The following HYDIN variants were observed in gnomAD, a reference collection of about 807,000 sequenced individuals.
HYDIN encodes HYDIN axonemal central pair apparatus protein.
A neutral mutation model predicts 403.9 loss-of-function variants in HYDIN; 132 were observed. That is an observed-to-expected ratio of 0.33 (90% confidence interval 0.28 to 0.38). The LOEUF is 0.38. HYDIN is among the 10% of genes least tolerant of loss of function. The pLI, the probability that HYDIN is intolerant of heterozygous loss-of-function variation, is 1.00. For missense variants in HYDIN, 2,827 were observed against 5,009.5 expected, an observed-to-expected ratio of 0.56 and a Z score of 13.15; for synonymous variants, 1,202 against 1,891.7, an observed-to-expected ratio of 0.64 and a Z score of 9.46.
rs1283774370 is a variant in HYDIN at position 71,096,804 on chromosome 16, C to T, written c.1328-2869G>A. Among the ~76,000 whole-genome samples, 5 of 106,294 alleles carry T rather than the reference C, an allele frequency of 4.7e-5. 2 individuals carry two copies. The highest frequency in any genetic ancestry group is 1.7e-4 in the African/African-American group (3 of 17,550). The allele number at this position is 106,294 out of a possible 152,430, so 69.7% of individuals were successfully genotyped here. ...TTTCTAGCAGATTGTCTTACCTCCT[C>T]ATGTGCTTGGTCATTTTTTGATTGA... On this transcript the variant is annotated intron_variant, in intron 10 of 85. Transcript: ENST00000393567.
chr16:70,947,434 C>T (rs1260050900), intron 41 of HYDIN, among the ~76,000 whole-genome samples: 14 of 151,954 alleles, frequency 9.2e-5, no homozygotes, highest in African/African-American at 2.7e-4. Flanking sequence ...CTGCTGGATT[C>T]GGTTTGCCAG....
At chr16:71,135,643 G>A (rs1291156605) in intron 8 of HYDIN, among the ~76,000 whole-genome samples, 1 of 152,036 alleles carries the variant, frequency 6.6e-6, no homozygotes, top group South Asian at 2.1e-4. Context: ...CTTCAAGCAT[G>A]TTGGGCCATT....
chr16:71,094,065 T>G lies in HYDIN; in HGVS notation c.1328-130A>C, dbSNP rs2083198683. 4 of 645,710 alleles carry G rather than the reference T, an allele frequency of 6.2e-6. No homozygotes were observed. The East Asian group carries it at 1.2e-4, about 20-fold the overall frequency. 40.0% of individuals were successfully genotyped at this position (645,710 alleles called of 1,614,324 possible). On this transcript the variant is annotated intron_variant, in intron 10 of 85. Transcript: ENST00000393567. ...GCTCCCTGCATTGCACCGAGGGAAC[T>G]GCAATTTAACTAACGCTGAAGATTC...
intron 25 of HYDIN, among the ~76,000 whole-genome samples, chr16:70,989,657 T>C (rs571741527): frequency 2.0e-5 from 3 of 152,326 alleles, no homozygotes; most frequent in Admixed American, 1.3e-4. Context: ...AGAAAGTTGA[T>C]TGTACATGAT....
Position 70,805,550 on chromosome 16 carries a change from C to G in HYDIN, c.*2030G>C, listed in dbSNP as rs147906140. Among the ~76,000 whole-genome samples the G allele has an allele frequency of 5.9e-3, 903 of 152,328 alleles. 2 individuals are homozygous for G. Among genetic ancestry groups the G allele is most frequent in the Admixed American group, 0.012 (191 of 15,312 alleles). ...GATCGGACTTCCTGAGGGTGGGGCT[C>G]AGCAATCTGTTTCAGTAAGCCCTCC... is the stretch of plus-strand genomic sequence containing the variant. On this transcript the variant is annotated 3_prime_UTR_variant, in exon 86 of 86. Transcript: ENST00000393567.
intron 7 of HYDIN, among the ~76,000 whole-genome samples, chr16:71,139,941 T>C (rs578063963): frequency 2.0e-5 from 3 of 152,050 alleles, no homozygotes; most frequent in African/African-American, 7.2e-5. Flanking sequence ...CCTGAATATA[T>C]TGCAGTGAAA....
chr16:71,125,155 C>T (rs1352768574), intron 9 of HYDIN, among the ~76,000 whole-genome samples: 1 of 151,982 alleles, frequency 6.6e-6, no homozygotes, highest in Non-Finnish European at 1.5e-5. Flanking sequence ...AATGTGAGGG[C>T]CTGGAGGCCC....
chr16:70,894,157 G>A lies in HYDIN; in HGVS notation c.9248+292C>T, dbSNP rs1255900977. ...TGGTTCCAACTGGCCAGGTACATCC[G>A]GGCCACTTAAAGGCCCCTGTTAAGC... is the stretch of plus-strand genomic sequence containing the variant. On this transcript the variant is annotated intron_variant, in intron 55 of 85. Transcript: ENST00000393567. 10 of 370,774 alleles carry A rather than the reference G, an allele frequency of 2.7e-5. No individual in the cohort carries two copies. The South Asian group carries it at 4.3e-4, about 16-fold the overall frequency. 23.0% of individuals were successfully genotyped at this position (370,774 alleles called of 1,614,324 possible).
At chr16:70,858,708 G>A (rs1270171964) in intron 71 of HYDIN, among the ~76,000 whole-genome samples, 1 of 152,052 alleles carries the variant, frequency 6.6e-6, no homozygotes, top group Non-Finnish European at 1.5e-5. Context: ...TGATATGACT[G>A]TCACTTAAAG....
chr16:70,890,131 A>G (rs1209638698), intron 57 of HYDIN, among the ~76,000 whole-genome samples: 1 of 152,232 alleles, frequency 6.6e-6, no homozygotes, highest in Non-Finnish European at 1.5e-5. Context: ...GGTTTAGTAT[A>G]AGCAGTAGTT....
In HYDIN at chr16:70,993,109, C is replaced by T. The variant is rs1194904112; in HGVS notation, c.3645-899G>A. Among the ~76,000 whole-genome samples, 35 of 152,276 alleles carry T rather than the reference C, an allele frequency of 2.3e-4. 1 individual carries two copies. Among genetic ancestry groups the T allele is most frequent in the Non-Finnish European group, 3.5e-4 (24 of 68,030 alleles). On this transcript the variant is annotated intron_variant, in intron 23 of 85. Transcript: ENST00000393567. The stretch of plus-strand genomic sequence containing the variant: ...TCCCACCACTGGCCTATCTTCCCAC[C>T]GGAAGAAATTCTCCCTCCCTTGGAA...
At chr16:71,038,190 A>C (rs1157072096) in intron 18 of HYDIN, among the ~76,000 whole-genome samples, 1 of 152,300 alleles carries the variant, frequency 6.6e-6, no homozygotes, top group Non-Finnish European at 1.5e-5. Flanking sequence ...TGTAATTCAG[A>C]ATTCCGTGAC....
intron 1 of HYDIN, among the ~76,000 whole-genome samples, chr16:71,199,735 G>A (rs1049739442): frequency 1.1e-4 from 17 of 152,064 alleles, no homozygotes; most frequent in Admixed American, 7.2e-4. Context: ...TGGTATACAG[G>A]GACAGATATT....
At chr16:71,197,210 A>G (rs541354048) in intron 1 of HYDIN, among the ~76,000 whole-genome samples, 21 of 152,302 alleles carry the variant, frequency 1.4e-4, no homozygotes, top group African/African-American at 5.1e-4. Flanking sequence ...TGGATATGCT[A>G]TTTGTTCTGT....
At chr16:71,070,451 T>C (rs922517188) in intron 13 of HYDIN, among the ~76,000 whole-genome samples, 48 of 150,568 alleles carry the variant, frequency 3.2e-4, no homozygotes, top group African/African-American at 1.1e-3. Context: ...CCTGAGTAGC[T>C]GGGATTACAG....
chr16:71,191,759 G>C (rs556790753), intron 1 of HYDIN, among the ~76,000 whole-genome samples: 1 of 151,982 alleles, frequency 6.6e-6, no homozygotes, highest in Non-Finnish European at 1.5e-5. Context: ...CAGCTCCACC[G>C]ACCCAGCTGC....
intron 1 of HYDIN, among the ~76,000 whole-genome samples, chr16:71,187,123 A>G (rs529775789): frequency 6.6e-6 from 1 of 152,268 alleles, no homozygotes; most frequent in South Asian, 2.1e-4. Context: ...AATCTATTTT[A>G]GACAAAATAA....
At chr16:71,185,465 A>G (rs2087100799) in intron 2 of HYDIN, among the ~76,000 whole-genome samples, 1 of 152,182 alleles carries the variant, frequency 6.6e-6, no homozygotes, top group African/African-American at 2.4e-5. Flanking sequence ...GTTAGAGAGA[A>G]ATCTTATAAA....
chr16:70,884,695 C>G (rs1167866607), intron 58 of HYDIN, among the ~76,000 whole-genome samples: 1 of 146,054 alleles, frequency 6.8e-6, no homozygotes, highest in Admixed American at 6.8e-5. Flanking sequence ...CAAAACAAAA[C>G]AAAACAAAAC....
Sources: gnomAD v4.1 joint callset for allele counts (sites outside exome capture counted in the v4.1 genomes callset) on GRCh38, gnomAD v4.1.1 for gene constraint, MANE v1.5 for transcripts, NCBI Gene and HGNC (gene_info 2026-07-23, HGNC 2026-07-21) for gene names.